The following LONRF1 variants were observed in gnomAD, a reference collection of about 807,000 sequenced individuals.
LONRF1 encodes LON peptidase N-terminal domain and ring finger 1.
A neutral mutation model predicts 85.8 loss-of-function variants in LONRF1; 37 were observed. The observed-to-expected ratio is 0.43, with a 90% CI of 0.33 to 0.57. LONRF1 has a LOEUF of 0.57. Ranked by LOEUF, LONRF1 falls within the 20% of genes least tolerant of loss-of-function variation. The pLI is 0.04. For synonymous variants in LONRF1, 517 were observed against 390.1 expected, an observed-to-expected ratio of 1.33 and a Z score of -3.83; for missense variants, 1,036 against 978.0, an observed-to-expected ratio of 1.06 and a Z score of -0.79.
intron 7 of LONRF1, 128 bp downstream of exon 7, chr8:12,735,158 C>T: frequency 1.6e-6 from 1 of 641,250 alleles, no homozygotes; most frequent in Non-Finnish European, 2.7e-6. Flanking sequence ...AAAACATTAT[C>T]CTTGTTAGTC....
chr8:12,745,660 C>T (rs1035004876), intron 1 of LONRF1, among the ~76,000 whole-genome samples: 1 of 152,182 alleles, frequency 6.6e-6, no homozygotes, highest in Admixed American at 6.5e-5. Context: ...TCCATTACTG[C>T]AGGTATCTGT....
intron 1 of LONRF1, among the ~76,000 whole-genome samples, chr8:12,743,753 A>C (rs1040835472): frequency 3.9e-5 from 6 of 152,194 alleles, no homozygotes; most frequent in African/African-American, 1.4e-4. Flanking sequence ...ATAAAGGCTC[A>C]ATCTTATGAG....
In LONRF1 at chr8:12,729,156, G is replaced by C; in HGVS notation, c.1847+18C>G. 17 of 1,612,982 alleles carry C rather than the reference G, an allele frequency of 1.1e-5. No individual in the cohort carries two copies. The highest frequency in any genetic ancestry group is 1.4e-5 in the Non-Finnish European group (17 of 1,179,200). Reference sequence around the variant, plus strand: ...GGTCTAACATAAATACAAATATTTAGGTTCACAAAAAGCATACCTATTTTG... The same window carrying C: ...GGTCTAACATAAATACAAATATTTACGTTCACAAAAAGCATACCTATTTTG... On this transcript the variant is annotated intron_variant, in intron 9 of 11. Coordinates refer to ENST00000398246, the MANE Select transcript of LONRF1 (RefSeq NM_152271.5).
intron 1 of LONRF1, among the ~76,000 whole-genome samples, chr8:12,745,655 TACTGC>T (rs1563154799): frequency 2.6e-5 from 4 of 152,200 alleles, no homozygotes; most frequent in African/African-American, 9.7e-5. Flanking sequence ...CTCACTCCAT[TACTGC>T]AGGTATCTGT....
At chr8:12,724,982 A>G (rs1449610664) in intron 11 of LONRF1, among the ~76,000 whole-genome samples, 1 of 152,198 alleles carries the variant, frequency 6.6e-6, no homozygotes, top group Non-Finnish European at 1.5e-5. Flanking sequence ...ATTTACTGAC[A>G]GCCATTCCTT....
chr8:12,738,892 T>C (rs573094582), intron 3 of LONRF1: 4 of 152,272 alleles, frequency 2.6e-5, no homozygotes, highest in East Asian at 1.9e-4. Context: ...AAAGTCTAAA[T>C]TGGAGGTTCG....
At chr8:12,754,667 C>T (rs1052992452) in intron 1 of LONRF1, 33 bp downstream of exon 1, 1 of 1,300,408 alleles carries the variant, frequency 7.7e-7, no homozygotes, top group Admixed American at 4.3e-5. Flanking sequence ...AGGGTGCGGT[C>T]GGCCCGGCCC....
At chr8:12,741,936 G>GT (rs1798948285) in intron 2 of LONRF1, among the ~76,000 whole-genome samples, 1 of 152,134 alleles carries the variant, frequency 6.6e-6, no homozygotes, top group Non-Finnish European at 1.5e-5. Context: ...CACCAACAAA[G>GT]TATCAACTGG....
intron 11 of LONRF1, among the ~76,000 whole-genome samples, chr8:12,725,387 T>C (rs1278532521): frequency 6.6e-6 from 1 of 152,188 alleles, no homozygotes; most frequent in Non-Finnish European, 1.5e-5. Flanking sequence ...CTCAAAGGCA[T>C]GGTTAGTTGT....
intron 2 of LONRF1, among the ~76,000 whole-genome samples, 185 bp from the exon 3 acceptor site, chr8:12,741,181 CG>C (rs1356867648): frequency 2.0e-5 from 3 of 152,052 alleles, no homozygotes; most frequent in Non-Finnish European, 4.4e-5. Context: ...TTCAGGAGTT[CG>C]AGACCAGTCT....
At chr8:12,751,296 GTTTT>G (rs869038024) in intron 1 of LONRF1, among the ~76,000 whole-genome samples, 1,577 of 69,338 alleles carry the variant, frequency 0.023, 16 homozygotes, top group African/African-American at 0.072. Context: ...TTATTTTTAT[GTTTT>G]TTTTTTTTTT....
At chr8:12,741,784 T>C (rs770413543) in intron 2 of LONRF1, among the ~76,000 whole-genome samples, 13 of 152,194 alleles carry the variant, frequency 8.5e-5, no homozygotes, top group Admixed American at 6.5e-4. Flanking sequence ...GAAGTACTTA[T>C]AGACATGACA....
chr8:12,728,846 C>T (rs1798420784), intron 10 of LONRF1, 55 bp downstream of exon 10: 2 of 1,600,064 alleles, frequency 1.2e-6, no homozygotes, highest in Non-Finnish European at 1.7e-6. Context: ...ATGCCTGTAC[C>T]AATCCCTGGA....
Position 12,743,243 on chromosome 8 carries a change from GA to G in LONRF1, c.760del (p.Ser254HisfsTer12). ...DLIVKIYRAE[S>X]YAGLQEFKAA... ...TTTAAACTCTTGGAGACCAGCATAT[GA>G]TTCCGCTCTGTAAATTTTTACAATC... is the stretch of plus-strand genomic sequence containing the variant. On this transcript the variant is annotated frameshift_variant, in exon 2 of 12. Transcript: ENST00000398246. LOFTEE classifies it high-confidence loss of function. 1 of 1,612,148 alleles carries G rather than the reference GA, an allele frequency of 6.2e-7. No individual in the cohort carries two copies. Among genetic ancestry groups the G allele is most frequent in the Non-Finnish European group, 8.5e-7 (1 of 1,178,836 alleles).
intron 2 of LONRF1, among the ~76,000 whole-genome samples, chr8:12,741,762 A>C (rs10098734): frequency 0.95 from 144,470 of 152,224 alleles, 68,931 homozygotes; most frequent in Non-Finnish European, 1. Context: ...ATTGCCCATG[A>C]AATTTTTTAA....
At chr8:12,729,663 C>G (rs1177914912) in intron 8 of LONRF1, among the ~76,000 whole-genome samples, 1 of 152,024 alleles carries the variant, frequency 6.6e-6, no homozygotes, top group Non-Finnish European at 1.5e-5. Flanking sequence ...ATATTAAAAT[C>G]TGTTTTAAAT....
At chr8:12,743,957 T>A (rs1799043312) in intron 1 of LONRF1, among the ~76,000 whole-genome samples, 1 of 152,168 alleles carries the variant, frequency 6.6e-6, no homozygotes, top group South Asian at 2.1e-4. Flanking sequence ...AGAAGCCAAA[T>A]TATTATCCTA....
chr8:12,734,532 C>T (rs1476535620), intron 7 of LONRF1, among the ~76,000 whole-genome samples: 6 of 152,166 alleles, frequency 3.9e-5, no homozygotes, highest in Admixed American at 2.0e-4. Flanking sequence ...GATCTGCAGT[C>T]ACTCAAGCAT....
chr8:12,749,076 A>G (rs1412827114), intron 1 of LONRF1, among the ~76,000 whole-genome samples: 1 of 152,246 alleles, frequency 6.6e-6, no homozygotes, highest in Non-Finnish European at 1.5e-5. Context: ...AGGATTGAAT[A>G]AGATAATGCA....
Sources: gnomAD v4.1 joint callset for allele counts (sites outside exome capture counted in the v4.1 genomes callset) on GRCh38, gnomAD v4.1.1 for gene constraint, MANE v1.5 for transcripts, NCBI Gene and HGNC (gene_info 2026-07-23, HGNC 2026-07-21) for gene names.